CSMD1: variants seen among roughly 807,000 people sequenced by gnomAD.
CSMD1 encodes CUB and sushi domain-containing protein 1.
Under a neutral mutation model 417.5 loss-of-function variants are expected in CSMD1, and 213 were observed. That is an observed-to-expected ratio of 0.51 (90% confidence interval 0.46 to 0.57). The LOEUF (loss-of-function observed/expected upper bound fraction) is 0.57. CSMD1 is among the 20% of genes least tolerant of loss of function. The pLI is 0.00. For missense variants in CSMD1, 6,923 were observed against 4,529.7 expected (o/e 1.53, Z -15.17); for synonymous variants, 2,862 against 1,736.8 (o/e 1.65, Z -16.11).
chr8:3,902,795 T>C (rs1274517129), intron 5 of CSMD1, among the ~76,000 whole-genome samples: 2 of 152,136 alleles, frequency 1.3e-5, no homozygotes, highest in Admixed American at 1.3e-4. Flanking sequence ...CTTTGCAACA[T>C]TTTATGAGAA....
intron 7 of CSMD1, among the ~76,000 whole-genome samples, chr8:3,623,641 C>T (rs1796361137): frequency 6.6e-6 from 1 of 151,966 alleles, no homozygotes; most frequent in Non-Finnish European, 1.5e-5. Context: ...AATATTAAAC[C>T]CATTTTATAA....
intron 3 of CSMD1, among the ~76,000 whole-genome samples, chr8:4,155,279 T>A (rs1038549139): frequency 6.6e-6 from 1 of 152,006 alleles, no homozygotes; most frequent in Non-Finnish European, 1.5e-5. Context: ...CGGGTGTGAA[T>A]TAGGGGGTGG....
At chr8:4,382,830 T>C (rs1351894311) in intron 3 of CSMD1, among the ~76,000 whole-genome samples, 1 of 152,200 alleles carries the variant, frequency 6.6e-6, no homozygotes, top group Non-Finnish European at 1.5e-5. Flanking sequence ...CATTACATTG[T>C]GACAACGACC....
intron 63 of CSMD1, among the ~76,000 whole-genome samples, chr8:2,956,446 A>C: frequency 6.6e-6 from 1 of 151,572 alleles, no homozygotes; most frequent in East Asian, 1.9e-4. Context: ...TTATTTATTT[A>C]TTTTTATTTA....
chr8:3,601,437 C>T (rs187679457), intron 8 of CSMD1, among the ~76,000 whole-genome samples: 1 of 152,236 alleles, frequency 6.6e-6, no homozygotes, highest in African/African-American at 2.4e-5. Context: ...AAAAGCAAGC[C>T]CATCTGTATT....
chr8:3,557,110 A>G (rs1014110353), intron 10 of CSMD1, among the ~76,000 whole-genome samples: 1 of 152,200 alleles, frequency 6.6e-6, no homozygotes, highest in Non-Finnish European at 1.5e-5. Flanking sequence ...TCCATTCCAA[A>G]TATTACCCAC....
At chr8:4,018,731 A>G (rs1170753227) in intron 4 of CSMD1, among the ~76,000 whole-genome samples, 1 of 152,182 alleles carries the variant, frequency 6.6e-6, no homozygotes, top group Admixed American at 6.5e-5. Flanking sequence ...TTGAGTTAGA[A>G]GAGAACGGAC....
At chr8:4,423,642 C>G (rs55833078) in intron 2 of CSMD1, among the ~76,000 whole-genome samples, 1 of 151,900 alleles carries the variant, frequency 6.6e-6, no homozygotes, top group Non-Finnish European at 1.5e-5. Flanking sequence ...CAAACTGATA[C>G]ACAGGTTTTA....
At chr8:4,908,019 A>G (rs1805413356) in intron 1 of CSMD1, among the ~76,000 whole-genome samples, 1 of 147,496 alleles carries the variant, frequency 6.8e-6, no homozygotes, top group African/African-American at 2.7e-5. Context: ...CTTTTAAAAT[A>G]ATTACTTTTC....
At chr8:4,534,799 G>A (rs769536875) in intron 2 of CSMD1, among the ~76,000 whole-genome samples, 6 of 151,966 alleles carry the variant, frequency 3.9e-5, no homozygotes, top group Admixed American at 2.0e-4. Flanking sequence ...GTCTTGCTCC[G>A]TTGCCCAGGC....
chr8:3,838,207 A>T (rs896919680), intron 5 of CSMD1, among the ~76,000 whole-genome samples: 1 of 152,020 alleles, frequency 6.6e-6, no homozygotes, highest in Non-Finnish European at 1.5e-5. Flanking sequence ...ATGGATAGAT[A>T]ACTATGACAG....
chr8:4,836,420 A>AG (rs1376312743), intron 1 of CSMD1, among the ~76,000 whole-genome samples: 1 of 152,200 alleles, frequency 6.6e-6, no homozygotes. Flanking sequence ...ATCACCAGCC[A>AG]GGGGGAAGAG....
At chr8:3,432,081 G>A (rs1255818452) in intron 12 of CSMD1, among the ~76,000 whole-genome samples, 1 of 152,154 alleles carries the variant, frequency 6.6e-6, no homozygotes, top group African/African-American at 2.4e-5. Context: ...AGGGTCTGAG[G>A]AAAAGTCCCA....
At chr8:3,467,668 G>C (rs1055989959) in intron 12 of CSMD1, among the ~76,000 whole-genome samples, 2 of 151,846 alleles carry the variant, frequency 1.3e-5, no homozygotes, top group Admixed American at 1.3e-4. Context: ...CACACCAAGA[G>C]ACCCTTTAAT....
chr8:4,743,762 G>C (rs13266752), intron 1 of CSMD1, among the ~76,000 whole-genome samples: 2 of 152,000 alleles, frequency 1.3e-5, no homozygotes, highest in South Asian at 2.1e-4. Flanking sequence ...AGACCTTGAA[G>C]TTTTGCCTAT....
chr8:4,000,568 T>G (rs1227477759), intron 4 of CSMD1, among the ~76,000 whole-genome samples: 1 of 152,234 alleles, frequency 6.6e-6, no homozygotes, highest in African/African-American at 2.4e-5. Flanking sequence ...TGACTCATAC[T>G]CTACGTTGTT....
chr8:4,343,526 G>T (rs1027775817), intron 3 of CSMD1, among the ~76,000 whole-genome samples: 2 of 152,044 alleles, frequency 1.3e-5, no homozygotes, highest in Non-Finnish European at 2.9e-5. Context: ...ATATCAAATT[G>T]TACAAGTTAT....
chr8:3,723,237 C>T (rs1585134728), intron 6 of CSMD1, among the ~76,000 whole-genome samples: 1 of 152,158 alleles, frequency 6.6e-6, no homozygotes, highest in African/African-American at 2.4e-5. Context: ...TGTGACCCAT[C>T]CATCAACAAT....
At chr8:4,771,104 C>T (rs1796575167) in intron 1 of CSMD1, among the ~76,000 whole-genome samples, 1 of 152,164 alleles carries the variant, frequency 6.6e-6, no homozygotes, top group Admixed American at 6.5e-5. Context: ...TCATAGCACT[C>T]AACATATAAC....
Sources: allele counts gnomAD v4.1 joint callset (sites outside exome capture counted in the v4.1 genomes callset), GRCh38; gene constraint gnomAD v4.1.1; transcripts MANE v1.5; gene names NCBI Gene and HGNC (gene_info 2026-07-23, HGNC 2026-07-21).